The following MYO1E variants were observed in gnomAD, a reference collection of about 807,000 sequenced individuals.
The protein encoded by MYO1E is unconventional myosin-Ie.
Under a neutral mutation model 151.1 loss-of-function variants are expected in MYO1E, and 68 were observed. That is an observed-to-expected ratio of 0.45 (90% CI 0.37 to 0.55). The LOEUF (loss-of-function observed/expected upper bound fraction) is 0.55, where lower values mean the gene tolerates loss of function less well. Among genes scored for constraint, MYO1E ranks in the 20% least tolerant of loss-of-function variants. The probability of loss-of-function intolerance (pLI) is 0.00; values close to 1 mark genes in which losing one functional copy is unlikely to be tolerated. For synonymous variants in MYO1E, 601 were observed against 501.7 expected, an observed-to-expected ratio of 1.20 and a Z score of -2.64; for missense variants, 1,363 against 1,389.3, an observed-to-expected ratio of 0.98 and a Z score of 0.30.
intron 1 of MYO1E, among the ~76,000 whole-genome samples, chr15:59,330,781 T>C (rs1413707693): frequency 6.6e-6 from 1 of 152,090 alleles, no homozygotes; most frequent in Non-Finnish European, 1.5e-5. Context: ...TTTGTGTTGG[T>C]TTTTTGAGAC....
chr15:59,172,072 A>G (rs768714973), intron 21 of MYO1E, 30 bp from the exon 22 acceptor site: 1 of 1,611,354 alleles, frequency 6.2e-7, no homozygotes, highest in Non-Finnish European at 8.5e-7. Context: ...AAGAAGCTGG[A>G]CAGGCCAGGC....
At chr15:59,147,216 G>A (rs2079446430) in intron 26 of MYO1E, among the ~76,000 whole-genome samples, 1 of 152,192 alleles carries the variant, frequency 6.6e-6, no homozygotes, top group Non-Finnish European at 1.5e-5. Context: ...TCTCTAAACT[G>A]AGGGCTAATT....
Position 59,161,144 on chromosome 15 carries a change from T to C in MYO1E, c.2714A>G (p.Asp905Gly), listed in dbSNP as rs1453643911. Residue 905 changes from aspartate to glycine, a missense_variant, in exon 24 of 28, where the codon GAC (aspartate) becomes GGC (glycine). Transcript: ENST00000288235. ...RQVQFHQGFGDLAVLKPSNKV... is the reference protein window; with the variant it reads ...RQVQFHQGFGGLAVLKPSNKV... ...GTTACTGGGCTTGAGGACAGCCAGG[T>C]CCCCAAACCCTTGGTGGAACTGCAC... The C allele has an allele frequency of 6.2e-7, 1 of 1,614,028 alleles. No homozygotes were observed.
chr15:59,154,889 G>A lies in MYO1E; in HGVS notation c.2879-1098C>T, dbSNP rs147329707. Among the ~76,000 whole-genome samples, 20 of 152,296 alleles carry A rather than the reference G, an allele frequency of 1.3e-4. No homozygotes were observed. The East Asian group carries it at 3.9e-3, about 29-fold the overall frequency. ...TACTTTGAACCACGGTTTTATCAGG[G>A]TGGAGCTTTCAAGAGGGTGGCTCCT... On this transcript the variant is annotated intron_variant, in intron 25 of 27. Coordinates refer to ENST00000288235, the MANE Select transcript of MYO1E (RefSeq NM_004998.4).
chr15:59,352,084 C>A (rs903748272), intron 1 of MYO1E, among the ~76,000 whole-genome samples: 2 of 152,090 alleles, frequency 1.3e-5, no homozygotes, highest in Non-Finnish European at 2.9e-5. Flanking sequence ...AGAGGCACCC[C>A]GGGTTGATAG....
chr15:59,245,245 G>A (rs2080122700), intron 4 of MYO1E, among the ~76,000 whole-genome samples: 1 of 152,218 alleles, frequency 6.6e-6, no homozygotes, highest in Admixed American at 6.5e-5. Flanking sequence ...GACACCTGAT[G>A]GTGCCACAGC....
chr15:59,323,886 G>C (rs1287765255), intron 1 of MYO1E, among the ~76,000 whole-genome samples: 1 of 151,972 alleles, frequency 6.6e-6, no homozygotes, highest in Non-Finnish European at 1.5e-5. Context: ...ACTAGAGCTT[G>C]CGGGATGTGT....
At chr15:59,185,417 GC>G (rs1267203148) in intron 18 of MYO1E, among the ~76,000 whole-genome samples, 1 of 152,146 alleles carries the variant, frequency 6.6e-6, no homozygotes, top group Non-Finnish European at 1.5e-5. Context: ...ACAGATGCAT[GC>G]CACTGCACCT....
At chr15:59,153,516 G>T (rs1377119826) in intron 26 of MYO1E, 74 bp downstream of exon 26, 3 of 1,508,050 alleles carry the variant, frequency 2.0e-6, no homozygotes, top group African/African-American at 1.4e-5. Flanking sequence ...CAGCCCACAG[G>T]AATCTCTGAA....
intron 1 of MYO1E, among the ~76,000 whole-genome samples, chr15:59,292,272 T>G (rs911459761): frequency 2.0e-5 from 3 of 152,190 alleles, no homozygotes; most frequent in African/African-American, 4.8e-5. Flanking sequence ...ACACACCCAA[T>G]GGGTGTTTCC....
At position 59,209,815 on chromosome 15, in the gene MYO1E, C is replaced by CTTTTTTTTTTTTTT. The variant is rs71119441; in HGVS notation, c.1362+685_1362+698dup. On this transcript the variant is annotated intron_variant, in intron 13 of 27. Coordinates refer to ENST00000288235, the MANE Select transcript of MYO1E (RefSeq NM_004998.4). ...CTGTATCACTTTTATTTTGAATCAC[C>CTTTTTTTTTTTTTT]TTTTTTTTTTTTTTTTTTTTTTTTT... Among the ~76,000 whole-genome samples the CTTTTTTTTTTTTTT allele has an allele frequency of 2.2e-3, 109 of 49,866 alleles. 8 individuals are homozygous for CTTTTTTTTTTTTTT. Among genetic ancestry groups the CTTTTTTTTTTTTTT allele is most frequent in the Admixed American group, 4.8e-3 (17 of 3,566 alleles). The allele number at this position is 49,866 out of a possible 152,430, so 32.7% of individuals were successfully genotyped here.
chr15:59,305,433 G>A (rs1162700283), intron 1 of MYO1E, among the ~76,000 whole-genome samples: 3 of 152,056 alleles, frequency 2.0e-5, no homozygotes, highest in East Asian at 3.8e-4. Context: ...GAGCTCAAGT[G>A]ATCCGCCCAC....
chr15:59,218,887 G>A (rs879883684), intron 9 of MYO1E, among the ~76,000 whole-genome samples: 1 of 152,132 alleles, frequency 6.6e-6, no homozygotes, highest in African/African-American at 2.4e-5. Flanking sequence ...AAGACGAGAC[G>A]GTCTACAGTG....
intron 1 of MYO1E, among the ~76,000 whole-genome samples, chr15:59,358,550 G>T (rs183935265): frequency 6.6e-6 from 1 of 152,310 alleles, no homozygotes; most frequent in Admixed American, 6.5e-5. Context: ...CCTAGTTCTA[G>T]ATCATAGAAA....
chr15:59,357,901 C>T (rs572422554), intron 1 of MYO1E, among the ~76,000 whole-genome samples: 72 of 152,200 alleles, frequency 4.7e-4, no homozygotes, highest in Non-Finnish European at 9.1e-4. Flanking sequence ...AAGGGAAACA[C>T]CAAGTGGATG....
chr15:59,137,413 G>A lies in MYO1E; in HGVS notation c.3294C>T (p.Gly1098=). Residue 1098 remains glycine, a synonymous_variant, in exon 28 of 28, where the codon GGC becomes GGT. Coordinates refer to ENST00000288235, the MANE Select transcript of MYO1E (RefSeq NM_004998.4). ...WWTGRLRGKQ[G]LFPNNYVTKI The stretch of plus-strand genomic sequence containing the variant: ...TGGTCACATAGTTGTTGGGGAACAG[G>A]CCCTGCTTGCCTCGTAGTCGACCCG... 6.2e-7 allele frequency: 1 copy of A among 1,614,170 alleles called. No homozygotes were observed. Among genetic ancestry groups the A allele is most frequent in the Non-Finnish European group, 8.5e-7 (1 of 1,180,032 alleles).
intron 17 of MYO1E, among the ~76,000 whole-genome samples, chr15:59,193,245 T>C (rs1253561141): frequency 6.6e-6 from 1 of 152,188 alleles, no homozygotes; most frequent in Non-Finnish European, 1.5e-5. Flanking sequence ...CTGGGGATCC[T>C]GAGGCAGGCT....
chr15:59,242,974 C>G (rs1164462801), intron 4 of MYO1E, among the ~76,000 whole-genome samples: 6 of 151,938 alleles, frequency 3.9e-5, no homozygotes, highest in African/African-American at 1.5e-4. Context: ...GAGAGGTACA[C>G]AGAGAAGCAG....
intron 2 of MYO1E, among the ~76,000 whole-genome samples, chr15:59,268,720 A>ATTTTTTTTTGTTTTTTTTTTT (rs2080271584): frequency 6.7e-5 from 3 of 44,906 alleles, no homozygotes; most frequent in Non-Finnish European, 9.8e-5. Flanking sequence ...TGACTTTGGT[A>ATTTTTTTTTGTTTTTTTTTTT]TTTTTTTTTT....
Sources: allele counts gnomAD v4.1 joint callset (sites outside exome capture counted in the v4.1 genomes callset), GRCh38; gene constraint gnomAD v4.1.1; transcripts MANE v1.5; gene names NCBI Gene and HGNC (gene_info 2026-07-23, HGNC 2026-07-21).